Variants in ZNF362 observed in about 807,000 individuals in gnomAD.
The protein encoded by ZNF362 is rotund homolog.
A neutral mutation model predicts 42.9 loss-of-function variants in ZNF362; 11 were observed. The ratio of observed to expected loss-of-function variants is 0.26; its 90% CI spans 0.16 to 0.42. The LOEUF is 0.42. Among genes scored for constraint, ZNF362 ranks in the 20% least tolerant of loss-of-function variants. The pLI is 1.00. For missense variants in ZNF362, 362 were observed against 576.2 expected, an observed-to-expected ratio of 0.63 and a Z score of 3.81; for synonymous variants, 255 against 257.3, an observed-to-expected ratio of 0.99 and a Z score of 0.09.
the ZNF362 span, among the ~76,000 whole-genome samples, chr1:33,224,697 C>G: frequency 1.3e-5 from 2 of 151,890 alleles, no homozygotes; most frequent in East Asian, 3.9e-4. Flanking sequence ...ATTGGAATCT[C>G]GAAGTGAAAG....
chr1:33,158,842 T>A, the ZNF362 span, among the ~76,000 whole-genome samples: 101 of 151,440 alleles, frequency 6.7e-4, no homozygotes, highest in African/African-American at 2.3e-3. Flanking sequence ...TTTTTCTTTT[T>A]TTTCTTTTTT....
chr1:33,295,003 C>G lies in ZNF362; in HGVS notation c.975C>G (p.Leu325=). 3 of 1,614,150 alleles carry G rather than the reference C, an allele frequency of 1.9e-6. No individual in the cohort carries two copies. The highest frequency in any genetic ancestry group is 2.5e-6 in the Non-Finnish European group (3 of 1,179,998). The part of the protein sequence containing the change: ...HPGCEKAFTQ[L]SNLQSHQRQH... ...GCTGCGAGAAGGCTTTCACTCAGCT[C>G]TCCAACCTCCAGGTGAGTGCCTGCC... Residue 325 remains leucine, a synonymous_variant, in exon 7 of 9, where the codon CTC becomes CTG. Transcript: ENST00000539719.
the ZNF362 span, among the ~76,000 whole-genome samples, chr1:33,213,318 C>T: frequency 6.6e-6 from 1 of 151,886 alleles, no homozygotes; most frequent in African/African-American, 2.4e-5. Context: ...TTAATCACGG[C>T]GATGATTTCA....
At chr1:33,160,427 G>T in the ZNF362 span, among the ~76,000 whole-genome samples, 20 of 152,070 alleles carry the variant, frequency 1.3e-4, no homozygotes, top group Non-Finnish European at 2.5e-4. Context: ...TTTTTGAGAT[G>T]GAGTTTTGCT....
the ZNF362 span, among the ~76,000 whole-genome samples, chr1:33,130,372 C>G: frequency 6.6e-6 from 1 of 152,202 alleles, no homozygotes; most frequent in African/African-American, 2.4e-5. Context: ...TACAAAAACT[C>G]CCTGTGGCTT....
At chr1:33,161,148 C>T in the ZNF362 span, among the ~76,000 whole-genome samples, 7 of 152,206 alleles carry the variant, frequency 4.6e-5, no homozygotes, top group East Asian at 5.8e-4. This position sits in a 1 kb window ranked among gnomAD's most constrained non-coding sequence, Gnocchi z 4.3. Context: ...TGTTGTTGTG[C>T]GCACTCCAAG....
the ZNF362 span, among the ~76,000 whole-genome samples, chr1:33,250,280 G>A: frequency 7.9e-5 from 12 of 152,234 alleles, no homozygotes; most frequent in African/African-American, 2.2e-4. Context: ...CAAGACTACT[G>A]TAGGGGGTCC....
the ZNF362 span, among the ~76,000 whole-genome samples, chr1:33,246,734 T>A: frequency 1.3e-5 from 2 of 152,348 alleles, no homozygotes; most frequent in African/African-American, 4.8e-5. Flanking sequence ...AGTGGATGAC[T>A]ATTATGTTGC....
At chr1:33,161,823 T>C in the ZNF362 span, among the ~76,000 whole-genome samples, 106,194 of 152,110 alleles carry the variant, frequency 0.7, 37,484 homozygotes, top group Non-Finnish European at 0.75. The surrounding 1 kb of genome is among the most constrained non-coding windows in gnomAD (Gnocchi z 4.3). Context: ...CACCCTCTCC[T>C]AGTTGAAAGT....
chr1:33,274,614 C>T (rs995985192), intron 2 of ZNF362, among the ~76,000 whole-genome samples: 1 of 152,190 alleles, frequency 6.6e-6, no homozygotes, highest in Non-Finnish European at 1.5e-5. Context: ...GAGGAGGGTG[C>T]TCTGACCCAA....
the ZNF362 span, among the ~76,000 whole-genome samples, chr1:33,191,977 G>C: frequency 6.6e-6 from 1 of 152,210 alleles, no homozygotes; most frequent in Admixed American, 6.5e-5. Context: ...GGCAAGAGGA[G>C]GAAGCCTATT....
the ZNF362 span, among the ~76,000 whole-genome samples, chr1:33,187,519 C>T: frequency 1.3e-5 from 2 of 152,114 alleles, no homozygotes; most frequent in Non-Finnish European, 2.9e-5. Flanking sequence ...TCTCCAGACC[C>T]CACTGCTGTA....
At chr1:33,146,556 C>T in the ZNF362 span, 1 of 160,004 alleles carries the variant, frequency 6.2e-6, no homozygotes, top group Non-Finnish European at 1.4e-5. Context: ...TGTGTGGACT[C>T]AACTACCAGG....
chr1:33,164,620 C>A, the ZNF362 span: 5 of 152,486 alleles, frequency 3.3e-5, no homozygotes, highest in African/African-American at 1.2e-4. Context: ...TCCCAAACCA[C>A]GGTAGCCAGA....
intron 6 of ZNF362, chr1:33,282,108 A>G (rs1645999443): frequency 4.7e-6 from 2 of 422,554 alleles, no homozygotes; most frequent in Non-Finnish European, 8.8e-6. Context: ...TTCCTCCAGG[A>G]AGCCCTCCCT....
At chr1:33,298,503 C>T (rs549248745) in intron 8 of ZNF362, among the ~76,000 whole-genome samples, 1 of 152,314 alleles carries the variant, frequency 6.6e-6, no homozygotes, top group East Asian at 1.9e-4. Flanking sequence ...CTCAGAGAGA[C>T]AAGATGACTT....
At chr1:33,271,725 C>T (rs1470125198) in intron 2 of ZNF362, among the ~76,000 whole-genome samples, 1 of 150,482 alleles carries the variant, frequency 6.6e-6, no homozygotes, top group Non-Finnish European at 1.5e-5. Context: ...TTTGTGTCTG[C>T]AGGAGCATCT....
chr1:33,286,294 A>G (rs1646031913), intron 6 of ZNF362, among the ~76,000 whole-genome samples: 1 of 152,198 alleles, frequency 6.6e-6, no homozygotes, highest in Non-Finnish European at 1.5e-5. Flanking sequence ...AGGCAAGCTA[A>G]TAAACACAAG....
At chr1:33,195,476 A>G in the ZNF362 span, 1 of 152,234 alleles carries the variant, frequency 6.6e-6, no homozygotes, top group African/African-American at 2.4e-5. Flanking sequence ...CCTTACTGAA[A>G]CATCATAGAG....
Sources: allele counts gnomAD v4.1 joint callset (sites outside exome capture counted in the v4.1 genomes callset), GRCh38; gene constraint gnomAD v4.1.1; non-coding constraint Gnocchi (gnomAD v3.1); transcripts MANE v1.5; gene names NCBI Gene and HGNC (gene_info 2026-07-23, HGNC 2026-07-21).